The following NAF1 variants were observed in gnomAD, a reference collection of about 807,000 sequenced individuals.
NAF1 encodes H/ACA ribonucleoprotein complex non-core subunit NAF1.
NAF1 carries 11 observed loss-of-function variants against 40.6 expected under a neutral mutation model. The observed-to-expected ratio is 0.27, with a 90% CI of 0.17 to 0.45. The LOEUF is 0.45. NAF1 is among the 20% of genes least tolerant of loss of function. NAF1 has a pLI of 1.00. For synonymous variants in NAF1, 260 were observed against 228.5 expected (o/e 1.14, Z -1.24); for missense variants, 607 against 611.1 (o/e 0.99, Z 0.07).
downstream of NAF1, among the ~76,000 whole-genome samples, chr4:163,105,902 T>G (rs1730041684): frequency 6.6e-6 from 1 of 152,242 alleles, no homozygotes; most frequent in South Asian, 2.1e-4. Flanking sequence ...TAGGCTTAAG[T>G]TATGATTGAG....
intron 3 of NAF1, among the ~76,000 whole-genome samples, chr4:163,147,630 C>G (rs1373746871): frequency 6.6e-6 from 1 of 152,122 alleles, no homozygotes; most frequent in Non-Finnish European, 1.5e-5. Flanking sequence ...AGCAGAATGG[C>G]TCCCCAAGAG....
intron 2 of NAF1, among the ~76,000 whole-genome samples, chr4:163,160,383 T>C (rs1216489280): frequency 1.3e-5 from 2 of 151,430 alleles, no homozygotes; most frequent in Non-Finnish European, 2.9e-5. Context: ...AAAAACTGGG[T>C]TATAACCACA....
chr4:163,105,484 C>T (rs1217167146), downstream of NAF1, among the ~76,000 whole-genome samples: 1 of 152,148 alleles, frequency 6.6e-6, no homozygotes, highest in African/African-American at 2.4e-5. Context: ...TTATCTGTGA[C>T]CCTTAACTAA....
intron 2 of NAF1, among the ~76,000 whole-genome samples, chr4:163,153,744 A>C (rs1323753030): frequency 1.3e-5 from 2 of 152,188 alleles, no homozygotes; most frequent in Non-Finnish European, 2.9e-5. Flanking sequence ...TCTACCAATC[A>C]GCAGGATGTG....
At chr4:163,158,319 T>C (rs1438589661) in intron 2 of NAF1, 1 of 152,044 alleles carries the variant, frequency 6.6e-6, no homozygotes, top group Non-Finnish European at 1.5e-5. Flanking sequence ...ATTTTTTTTT[T>C]CTCTATAGCT....
chr4:163,144,224 T>A (rs141294618), intron 4 of NAF1, among the ~76,000 whole-genome samples: 1 of 152,174 alleles, frequency 6.6e-6, no homozygotes, highest in Non-Finnish European at 1.5e-5. Context: ...TGTCCTCCCT[T>A]AATCAGTGGG....
At chr4:163,125,081 A>C (rs556153694), downstream of NAF1, among the ~76,000 whole-genome samples, 8 of 152,358 alleles carry the variant, frequency 5.3e-5, no homozygotes, top group African/African-American at 1.9e-4. Flanking sequence ...TAGTGAACTT[A>C]ATGGATACAT....
At chr4:163,118,610 G>C (rs574569114) in intron 2 of NAF1, among the ~76,000 whole-genome samples, 3 of 152,086 alleles carry the variant, frequency 2.0e-5, no homozygotes, top group Non-Finnish European at 4.4e-5. Context: ...AAAATTAGCC[G>C]GGCGTGGTGG....
downstream of NAF1, among the ~76,000 whole-genome samples, chr4:163,106,016 TTAATA>T (rs1300546954): frequency 6.6e-6 from 1 of 152,194 alleles, no homozygotes; most frequent in African/African-American, 2.4e-5. Flanking sequence ...TCAATATTCT[TTAATA>T]TTAGTCTAAT....
At chr4:163,162,786 A>C (rs1324517231) in intron 2 of NAF1, among the ~76,000 whole-genome samples, 1 of 152,196 alleles carries the variant, frequency 6.6e-6, no homozygotes, top group African/African-American at 2.4e-5. Context: ...TGGCCTGAGA[A>C]CCCATTATCT....
At chr4:163,133,965 G>A (rs1036972006) in intron 6 of NAF1, among the ~76,000 whole-genome samples, 1 of 151,938 alleles carries the variant, frequency 6.6e-6, no homozygotes, top group Non-Finnish European at 1.5e-5. Flanking sequence ...TTTAGTTTGA[G>A]GCCAGCCTGA....
rs138360755 is a variant in NAF1, at chr4:163,114,082, G to C, written c.115-3792C>G. 4.7e-3 allele frequency among the ~76,000 whole-genome samples: 719 copies of C among 152,326 alleles called. 4 individuals carry two copies. The highest frequency in any genetic ancestry group is 7.0e-3 in the Non-Finnish European group (478 of 68,020). On this transcript the variant is annotated intron_variant, in intron 2 of 2. Transcript: ENST00000509434. ...ACCAATGTGTGGGAAACTGGAAAAG[G>C]AAAGACTGGAAGAGAATGGAGAAAT...
intron 7 of NAF1, among the ~76,000 whole-genome samples, chr4:163,130,915 G>C (rs951565255): frequency 2.6e-5 from 4 of 152,216 alleles, no homozygotes; most frequent in African/African-American, 4.8e-5. Context: ...GTCTCGCTCT[G>C]TAGCCCTGGC....
chr4:163,111,495 A>G (rs1252809789), intron 2 of NAF1, among the ~76,000 whole-genome samples: 1 of 152,196 alleles, frequency 6.6e-6, no homozygotes, highest in African/African-American at 2.4e-5. Flanking sequence ...AAACTGAGGG[A>G]GCAGAAATGT....
chr4:163,145,084 ATACT>A (rs920022151), intron 4 of NAF1, among the ~76,000 whole-genome samples: 6 of 152,212 alleles, frequency 3.9e-5, no homozygotes, highest in African/African-American at 1.2e-4. Flanking sequence ...CAGGAAATAA[ATACT>A]TACTTAGTAT....
intron 2 of NAF1, among the ~76,000 whole-genome samples, chr4:163,159,950 T>C (rs762482424): frequency 7.2e-5 from 11 of 152,316 alleles, no homozygotes; most frequent in East Asian, 1.9e-4. Flanking sequence ...TCATTTCTGA[T>C]TAAGACTTTA....
At chr4:163,110,418 TATTTCCTAAATTA>T (rs1436942460) in intron 2 of NAF1, 1 of 610,446 alleles carries the variant, frequency 1.6e-6, no homozygotes, top group African/African-American at 1.8e-5. Context: ...TTACTGTGCC[TATTTCCTAAATTA>T]ATCTTTATCA....
chr4:163,156,309 AG>A (rs961371197), intron 2 of NAF1, among the ~76,000 whole-genome samples: 20 of 124,412 alleles, frequency 1.6e-4, no homozygotes, highest in African/African-American at 5.5e-4. Context: ...GGCCTGGGAT[AG>A]AAAGACCTTC....
chr4:163,157,459 G>C (rs931499792), intron 2 of NAF1: 2 of 151,632 alleles, frequency 1.3e-5, no homozygotes, highest in Non-Finnish European at 2.9e-5. Context: ...TCTTACCTAC[G>C]AATAGTAAGG....
Sources: gnomAD v4.1 joint callset for allele counts (sites outside exome capture counted in the v4.1 genomes callset) on GRCh38, gnomAD v4.1.1 for gene constraint, MANE v1.5 for transcripts, NCBI Gene and HGNC (gene_info 2026-07-23, HGNC 2026-07-21) for gene names.